MNAT1: variants seen among roughly 807,000 people sequenced by gnomAD.
MNAT1 encodes the protein CDK-activating kinase assembly factor MAT1.
In MNAT1, 43 loss-of-function variants were observed where a neutral mutation model predicts 42.0. The ratio of observed to expected loss-of-function variants is 1.02; its 90% CI spans 0.80 to 1.32. MNAT1 has a LOEUF of 1.32. MNAT1 is among the 40% of genes most tolerant of loss of function. MNAT1 has a pLI of 0.00. For synonymous variants in MNAT1, 118 were observed against 120.0 expected (o/e 0.98, Z 0.11); for missense variants, 306 against 350.4 (o/e 0.87, Z 1.01).
chr14:60,799,474 A>C (rs924543851), intron 3 of MNAT1: 1 of 879,808 alleles, frequency 1.1e-6, no homozygotes, highest in Non-Finnish European at 1.4e-6. Context: ...TAGCTTACAT[A>C]TATTCTAAAG....
chr14:60,899,234 T>A (rs1661802052), intron 7 of MNAT1, among the ~76,000 whole-genome samples: 2 of 152,324 alleles, frequency 1.3e-5, no homozygotes, highest in South Asian at 2.1e-4. Flanking sequence ...TATTTCTGTC[T>A]TATGTTGACA....
chr14:60,842,930 C>T (rs570403035), intron 6 of MNAT1, among the ~76,000 whole-genome samples: 11 of 152,294 alleles, frequency 7.2e-5, no homozygotes, highest in African/African-American at 2.4e-4. Flanking sequence ...GATCAAAATT[C>T]GAATTACAGT....
At chr14:60,892,079 C>T (rs1009169356) in intron 7 of MNAT1, among the ~76,000 whole-genome samples, 1 of 152,066 alleles carries the variant, frequency 6.6e-6, no homozygotes, top group Non-Finnish European at 1.5e-5. Context: ...ATGGCCTGTC[C>T]TGGAAAATGT....
In MNAT1 at chr14:60,777,441, C is replaced by G. The variant is rs185198036; in HGVS notation, c.90-18776C>G. On this transcript the variant is annotated intron_variant, in intron 1 of 7. Coordinates refer to ENST00000261245, the MANE Select transcript of MNAT1 (RefSeq NM_002431.4). ...CTTTACTTGTACCCCACCTCTCCCC[C>G]CCCAAAATTTTTGTTTTTCAGTCTA... 5.9e-5 allele frequency among the ~76,000 whole-genome samples: 9 copies of G among 152,122 alleles called. No individual in the cohort carries two copies. The East Asian group carries it at 1.4e-3, about 23-fold the overall frequency.
Position 60,812,062 on chromosome 14 carries a change from C to G in MNAT1, c.496C>G (p.Gln166Glu), listed in dbSNP as rs769089484. The G allele has an allele frequency of 1.5e-5, 24 of 1,604,130 alleles. No homozygotes were observed. Among genetic ancestry groups the G allele is most frequent in the Admixed American group, 3.4e-5 (2 of 58,548 alleles). ...QENEQRRLFI[Q>E]KEEQLQQILK... is the part of the protein sequence containing the mutation. ...AAATGAACAAAGAAGATTATTTATACAAAAAGAAGAACAACTGCAGCAGAT... is the reference window on the plus strand; with the variant it reads ...AAATGAACAAAGAAGATTATTTATAGAAAAAGAAGAACAACTGCAGCAGAT... The change falls in exon 5 of 8, where the codon CAA becomes GAA. Residue 166 changes from glutamine (Q) to glutamate (E), a missense_variant. Gln to Glu is a conservative substitution (Grantham distance 29). Around this residue, in one of 3 missense-constraint regions of MNAT1, gnomAD observed 118 missense variants for 99.8 expected, o/e 1.18. Coordinates refer to ENST00000261245, the MANE Select transcript of MNAT1 (RefSeq NM_002431.4).
At chr14:60,944,256 C>T (rs775150267) in intron 7 of MNAT1, among the ~76,000 whole-genome samples, 23 of 152,074 alleles carry the variant, frequency 1.5e-4, no homozygotes, top group South Asian at 4.1e-4. Flanking sequence ...TATCAGAGAT[C>T]GTAAGTTTCT....
intron 6 of MNAT1, among the ~76,000 whole-genome samples, chr14:60,839,560 T>TCC (rs2033488006): frequency 6.6e-6 from 1 of 151,950 alleles, no homozygotes; most frequent in Non-Finnish European, 1.5e-5. Context: ...CTGAAATACG[T>TCC]CCCCCTGCTC....
At position 60,918,198 on chromosome 14, in the gene MNAT1, C is replaced by CTTT. The variant is rs386381525; in HGVS notation, c.809+38389_809+38391dup. Among the ~76,000 whole-genome samples the CTTT allele has an allele frequency of 7.7e-3, 375 of 48,612 alleles. 144 individuals carry two copies. Among genetic ancestry groups the CTTT allele is most frequent in the South Asian group, 9.0e-3 (6 of 670 alleles). 31.9% of individuals were successfully genotyped at this position (48,612 alleles called of 152,430 possible). A position where few individuals can be genotyped will look rare whatever the true frequency, so the allele number is the denominator to read the frequency against. ...AGAAGGATCAATCCAATTAATTGTT[C>CTTT]TTTTTTTTTTTTTTTTTTTTTTTTT... On this transcript the variant is annotated intron_variant, in intron 7 of 7. Transcript: ENST00000261245.
intron 3 of MNAT1, among the ~76,000 whole-genome samples, chr14:60,803,433 A>G (rs2032271899): frequency 6.6e-6 from 1 of 152,256 alleles, no homozygotes; most frequent in Non-Finnish European, 1.5e-5. Context: ...TCTAAGAGAC[A>G]GGCATTTTTA....
At chr14:60,780,898 A>G (rs985746782) in intron 1 of MNAT1, among the ~76,000 whole-genome samples, 6 of 152,212 alleles carry the variant, frequency 3.9e-5, no homozygotes, top group African/African-American at 1.4e-4. Context: ...AACTTGTGCT[A>G]TAAAGCTAAG....
intron 7 of MNAT1, among the ~76,000 whole-genome samples, chr14:60,943,053 CTTTTTTT>C (rs377454616): frequency 1.9e-5 from 1 of 53,102 alleles, no homozygotes; most frequent in Non-Finnish European, 3.3e-5. Context: ...TGTGTGTGCG[CTTTTTTT>C]TTTTTTTTTT....
Position 60,808,338 on chromosome 14 carries a change from C to T in MNAT1, c.330C>T (p.Thr110=), listed in dbSNP as rs1005174639. 5.7e-6 allele frequency: 9 copies of T among 1,567,486 alleles called. No individual in the cohort carries two copies. Among genetic ancestry groups the T allele is most frequent in the Middle Eastern group, 3.4e-4 (2 of 5,940 alleles). The change falls in exon 4 of 8, where the codon ACC becomes ACT. Residue 110 remains threonine (T), a synonymous_variant. Coordinates refer to ENST00000261245, the MANE Select transcript of MNAT1 (RefSeq NM_002431.4). The part of the protein sequence containing the change: ...EEVEEIVFNL[T]NNVDLDNTKK... ...TTTCTAATGCAGTTTTCAACTTGACCAACAATGTGGATTTGGACAACACCA... is the reference window on the plus strand; with the variant it reads ...TTTCTAATGCAGTTTTCAACTTGACTAACAATGTGGATTTGGACAACACCA...
chr14:60,968,388 G>C lies in MNAT1; in HGVS notation c.*39G>C. 1.3e-6 allele frequency: 2 copies of C among 1,593,552 alleles called. No individual in the cohort carries two copies. The highest frequency in any genetic ancestry group is 1.7e-6 in the Non-Finnish European group (2 of 1,172,872). ...TTGGACCTTGGAGCTGAACCAGGGA[G>C]CTAGCAAAAGTAAAGCAGACTTATA... is the stretch of plus-strand genomic sequence containing the variant. On this transcript the variant is annotated 3_prime_UTR_variant, in exon 8 of 8. Coordinates refer to ENST00000261245, the MANE Select transcript of MNAT1 (RefSeq NM_002431.4).
chr14:60,858,292 T>C (rs1351947472), intron 6 of MNAT1, among the ~76,000 whole-genome samples: 28 of 152,230 alleles, frequency 1.8e-4, no homozygotes, highest in Non-Finnish European at 8.8e-5. Flanking sequence ...TGGTATCTCA[T>C]TGTGGTTTTG....
chr14:60,749,116 G>A (rs934612043), intron 1 of MNAT1, among the ~76,000 whole-genome samples: 1 of 152,152 alleles, frequency 6.6e-6, no homozygotes, highest in Non-Finnish European at 1.5e-5. Flanking sequence ...CTTGTGTAGT[G>A]CATGACTATA....
chr14:60,830,088 T>G (rs1370686476), intron 6 of MNAT1, among the ~76,000 whole-genome samples: 1 of 152,212 alleles, frequency 6.6e-6, no homozygotes, highest in East Asian at 1.9e-4. Context: ...ATAGTGGTAT[T>G]CTCATTTATG....
intron 1 of MNAT1, among the ~76,000 whole-genome samples, chr14:60,794,881 C>G (rs1406866019): frequency 6.6e-6 from 1 of 151,576 alleles, no homozygotes; most frequent in Non-Finnish European, 1.5e-5. Context: ...TCTCTTTTTC[C>G]CTTTGTCTTG....
Position 60,936,043 on chromosome 14 carries a change from C to T in MNAT1, c.810-32186C>T, listed in dbSNP as rs147630064. Among the ~76,000 whole-genome samples, 35 of 152,240 alleles carry T rather than the reference C, an allele frequency of 2.3e-4. No individual in the cohort carries two copies. The East Asian group carries it at 6.8e-3, about 30-fold the overall frequency. The stretch of plus-strand genomic sequence containing the variant: ...CAACCTCACAGGTTGAATCCCAGGC[C>T]ACCACACAGGAACTGAGGAGGCCAG... On this transcript the variant is annotated intron_variant, in intron 7 of 7. Coordinates refer to ENST00000261245, the MANE Select transcript of MNAT1 (RefSeq NM_002431.4).
chr14:60,756,108 T>G lies in MNAT1; in HGVS notation c.89+21157T>G, dbSNP rs78217912. The stretch of plus-strand genomic sequence containing the variant: ...TTTTTATTTCTTTCATTATGATGCT[T>G]AGATTATTTGATAGCCTATTTAATG... On this transcript the variant is annotated intron_variant, in intron 1 of 7. Coordinates refer to ENST00000261245, the MANE Select transcript of MNAT1 (RefSeq NM_002431.4). 1.3e-3 allele frequency among the ~76,000 whole-genome samples: 203 copies of G among 152,346 alleles called. 4 individuals carry two copies. In the East Asian group the frequency reaches 0.03, roughly 23 times the overall value.
Sources: allele counts gnomAD v4.1 joint callset (sites outside exome capture counted in the v4.1 genomes callset), GRCh38; gene constraint gnomAD v4.1.1; regional missense constraint gnomAD v4.1.1; transcripts MANE v1.5; gene names NCBI Gene and HGNC (gene_info 2026-07-23, HGNC 2026-07-21).